NOTCH2: variants seen among roughly 807,000 people sequenced by gnomAD.
NOTCH2 encodes the protein neurogenic locus notch homolog protein 2.
In NOTCH2, 29 loss-of-function variants were observed where a neutral mutation model predicts 235.8. That is an observed-to-expected ratio of 0.12 (90% CI 0.09 to 0.17). The LOEUF (loss-of-function observed/expected upper bound fraction) is 0.17, where lower values mean the gene tolerates loss of function less well. Among genes scored for constraint, NOTCH2 ranks in the 10% least tolerant of loss-of-function variants. NOTCH2 has a pLI of 1.00. For missense variants in NOTCH2, 2,285 were observed against 3,150.2 expected, an observed-to-expected ratio of 0.73 and a Z score of 6.57; for synonymous variants, 1,086 against 1,141.5, an observed-to-expected ratio of 0.95 and a Z score of 0.98.
At chr1:119,922,823 A>C in intron 26 of NOTCH2, 45 bp from the exon 27 acceptor site, 1 of 1,612,340 alleles carries the variant, frequency 6.2e-7, no homozygotes, top group South Asian at 1.1e-5. Context: ...GATGGGGGTA[A>C]AACAGAAGAG....
intron 22 of NOTCH2, among the ~76,000 whole-genome samples, chr1:119,933,501 A>T (rs1649737117): frequency 6.6e-6 from 1 of 152,258 alleles, no homozygotes; most frequent in Non-Finnish European, 1.5e-5. Flanking sequence ...TCAAACTATC[A>T]AAAGATAAAG....
rs1276350746 is a variant in NOTCH2 at position 119,963,699 on chromosome 1, G to A, written c.1790C>T (p.Pro597Leu). 10 of 1,614,094 alleles carry A rather than the reference G, an allele frequency of 6.2e-6. No homozygotes were observed. The highest frequency in any genetic ancestry group is 8.5e-6 in the Non-Finnish European group (10 of 1,179,988). ...ACTGCAGATGGCGCCCATGTACCCG[G>A]GATTGCAGATGCAGGTGTAGGAATC... ...GIDSYTCICNPGYMGAICSDQ... is the reference protein window; with the variant it reads ...GIDSYTCICNLGYMGAICSDQ... Residue 597 changes from proline to leucine, a missense_variant, in exon 11 of 34, where the codon CCC becomes CTC. Coordinates refer to ENST00000256646, the MANE Select transcript of NOTCH2 (RefSeq NM_024408.4).
At chr1:120,040,852 A>C (rs1169793815) in intron 1 of NOTCH2, among the ~76,000 whole-genome samples, 9 of 150,076 alleles carry the variant, frequency 6.0e-5, no homozygotes, top group African/African-American at 2.2e-4. Context: ...CCTGGCTAAC[A>C]CGGTGAAACC....
intron 22 of NOTCH2, among the ~76,000 whole-genome samples, chr1:119,930,373 G>A (rs369246964): frequency 1.2e-3 from 173 of 150,266 alleles, no homozygotes; most frequent in Middle Eastern, 6.8e-3. Flanking sequence ...CTAATTTATT[G>A]TACTATAGAT....
intron 17 of NOTCH2, 91 bp from the exon 18 acceptor site, chr1:119,941,845 T>C: frequency 1.0e-6 from 1 of 1,003,786 alleles, no homozygotes; most frequent in South Asian, 1.4e-5. Flanking sequence ...TAAGTCATGC[T>C]GGGGGCAGCA....
intron 1 of NOTCH2, among the ~76,000 whole-genome samples, chr1:120,038,993 A>G (rs1159026922): frequency 2.6e-5 from 4 of 152,128 alleles, no homozygotes; most frequent in African/African-American, 9.7e-5. Context: ...AACAGAAAAC[A>G]GAGTAATAAA....
chr1:119,998,497 ACT>A (rs1397824263), intron 3 of NOTCH2, among the ~76,000 whole-genome samples: 2 of 152,136 alleles, frequency 1.3e-5, no homozygotes, highest in Non-Finnish European at 2.9e-5. Flanking sequence ...TAGCAGGAAG[ACT>A]CTGACGGGTT....
Position 119,925,482 on chromosome 1 carries a change from C to T in NOTCH2, c.4334G>A (p.Ser1445Asn), listed in dbSNP as rs2101162138. 1 of 1,614,204 alleles carries T rather than the reference C, an allele frequency of 6.2e-7. No homozygotes were observed. Among genetic ancestry groups the T allele is most frequent in the Non-Finnish European group, 8.5e-7 (1 of 1,180,034 alleles). ...RDGVCDEACN[S>N]HACQWDGGDC... is the part of the protein sequence containing the mutation. ...ACCCCCATCCCACTGGCAGGCATGG[C>T]TGTTGCAGGCCTCATCACAGACGCC... Residue 1445 changes from serine to asparagine, a missense_variant, in exon 25 of 34, where the codon AGC becomes AAC. By Grantham distance (46) the Ser-to-Asn change is conservative. Around this residue, in one of 6 missense-constraint regions of NOTCH2, gnomAD observed 1,173 missense variants for 1,515.3 expected, o/e 0.77. Coordinates refer to ENST00000256646, the MANE Select transcript of NOTCH2 (RefSeq NM_024408.4).
rs1299729165 is a variant in NOTCH2 at position 119,914,795 on chromosome 1, T to C, written c.*511A>G. ...AGCACAAAGGTCTTGCCCTATAACATGCTGGTAGGGCTACAATCACGGAGA... is the reference window on the plus strand; with the variant it reads ...AGCACAAAGGTCTTGCCCTATAACACGCTGGTAGGGCTACAATCACGGAGA... On this transcript the variant is annotated 3_prime_UTR_variant, in exon 34 of 34. Coordinates refer to ENST00000256646, the MANE Select transcript of NOTCH2 (RefSeq NM_024408.4). 3.5e-6 allele frequency: 1 copy of C among 286,166 alleles called. No homozygotes were observed. The highest frequency in any genetic ancestry group is 6.7e-6 in the Non-Finnish European group (1 of 150,066). The allele number at this position is 286,166 out of a possible 1,614,324, so 17.7% of individuals were successfully genotyped here.
chr1:119,935,125 G>A, intron 22 of NOTCH2: 2 of 1,202,420 alleles, frequency 1.7e-6, no homozygotes, highest in East Asian at 4.0e-5. Flanking sequence ...AATGTAAATT[G>A]TTTATTTTAG....
intron 5 of NOTCH2, among the ~76,000 whole-genome samples, chr1:119,977,457 G>A (rs1253122548): frequency 1.3e-5 from 2 of 152,098 alleles, no homozygotes; most frequent in Admixed American, 1.3e-4. Context: ...TTCCTTCTTT[G>A]ACTGAAACCT....
chr1:119,918,329 G>T, intron 32 of NOTCH2, 77 bp downstream of exon 32: 1 of 1,518,168 alleles, frequency 6.6e-7, no homozygotes, highest in Non-Finnish European at 9.1e-7. Flanking sequence ...AGTTCTCTAA[G>T]GGTCACGTAA....
Position 119,915,530 on chromosome 1 carries a change from C to G in NOTCH2, c.7192G>C (p.Ala2398Pro), listed in dbSNP as rs777355900. Residue 2398 changes from alanine (A) to proline (P), a missense_variant, in exon 34 of 34, where the codon GCT (alanine) becomes CCT (proline). By Grantham distance (27) the Ala-to-Pro change is conservative. Around this residue, in one of 6 missense-constraint regions of NOTCH2, gnomAD observed 504 missense variants for 538.0 expected, o/e 0.94. Coordinates refer to ENST00000256646, the MANE Select transcript of NOTCH2 (RefSeq NM_024408.4). ...SQHSYASSNA[A>P]ERTPSHSGHL... ...CCACTGTGACTGGGTGTTCGCTCAG[C>G]AGCATTTGAGGAAGCATAACTGTGC... The G allele has an allele frequency of 6.2e-7, 1 of 1,614,080 alleles. No individual in the cohort carries two copies. The highest frequency in any genetic ancestry group is 8.5e-7 in the Non-Finnish European group (1 of 1,180,026).
At position 119,999,917 on chromosome 1, in the gene NOTCH2, GAGAAAGAAAGAA is replaced by G. The variant is rs71260137; in HGVS notation, c.416-2597_416-2586del. 9.5e-3 allele frequency among the ~76,000 whole-genome samples: 863 copies of G among 91,056 alleles called. 11 individuals carry two copies. The highest frequency in any genetic ancestry group is 0.023 in the Admixed American group (176 of 7,602). 59.7% of individuals were successfully genotyped at this position (91,056 alleles called of 152,430 possible). A position where few individuals can be genotyped will look rare whatever the true frequency, so the allele number is the denominator to read the frequency against. On this transcript the variant is annotated intron_variant, in intron 3 of 33. Transcript: ENST00000256646. ...AAAGAGAGAGAAAGAGAGAAAGAGA[GAGAAAGAAAGAA>G]AGAAAGAAAGAAAGAAAGAAAGAAA...
At chr1:120,062,893 G>C (rs1444548208) in intron 1 of NOTCH2, among the ~76,000 whole-genome samples, 2 of 152,132 alleles carry the variant, frequency 1.3e-5, no homozygotes, top group African/African-American at 4.8e-5. Context: ...CTTATTCCAA[G>C]CTATGGCTTT....
At chr1:119,996,079 T>A (rs1652434324) in intron 4 of NOTCH2, 1 of 154,480 alleles carries the variant, frequency 6.5e-6, no homozygotes, top group African/African-American at 2.4e-5. Flanking sequence ...GATATTTGTA[T>A]AAAAACAGGA....
Position 119,941,518 on chromosome 1 carries a change from T to A in NOTCH2, c.2981+8A>T. ...AAGATGCTGATGCCCGAGGGACTGG[T>A]TGCTCACCTCTCAGTGCACTCATTG... On this transcript the variant is annotated splice_region_variant and intron_variant, in intron 18 of 33. Transcript: ENST00000256646. The A allele has an allele frequency of 6.3e-7, 1 of 1,595,094 alleles. No homozygotes were observed. Among genetic ancestry groups the A allele is most frequent in the Non-Finnish European group, 8.6e-7 (1 of 1,162,972 alleles).
At chr1:119,968,029 T>C in intron 7 of NOTCH2, 48 bp downstream of exon 7, 1 of 1,608,672 alleles carries the variant, frequency 6.2e-7, no homozygotes, top group Non-Finnish European at 8.5e-7. Context: ...AAACATTTGC[T>C]GAGCTCAACA....
In NOTCH2 at chr1:119,997,162, C is replaced by T; in HGVS notation, c.586G>A (p.Gly196Ser). 6.2e-7 allele frequency: 1 copy of T among 1,614,020 alleles called. No individual in the cohort carries two copies. The highest frequency in any genetic ancestry group is 8.5e-7 in the Non-Finnish European group (1 of 1,179,870). Reference sequence around the variant, plus strand: ...GAACCAGGCAGGTTGAGGCAGGTGCCACCATGCTGGCAGTGTCCTGGAATG... The same window carrying T: ...GAACCAGGCAGGTTGAGGCAGGTGCTACCATGCTGGCAGTGTCCTGGAATG... ...CDIPGHCQHG[G>S]TCLNLPGSYQ... The change falls in exon 4 of 34, where the codon GGC (glycine) becomes AGC (serine). Residue 196 changes from glycine to serine, a missense_variant. This residue lies in a region of NOTCH2 where 431 missense variants were observed against 757.8 expected (regional missense o/e 0.57). Transcript: ENST00000256646.
Sources: allele counts gnomAD v4.1 joint callset (sites outside exome capture counted in the v4.1 genomes callset), GRCh38; gene constraint gnomAD v4.1.1; regional missense constraint gnomAD v4.1.1; transcripts MANE v1.5; gene names NCBI Gene and HGNC (gene_info 2026-07-23, HGNC 2026-07-21).